Variants in DPP6 observed in about 807,000 individuals in gnomAD.
DPP6 encodes the protein dipeptidyl peptidase like 6.
A neutral mutation model predicts 122.6 loss-of-function variants in DPP6; 69 were observed. The observed-to-expected ratio is 0.56, with a 90% CI of 0.46 to 0.69. DPP6 has a LOEUF of 0.69. Ranked by LOEUF, DPP6 falls within the 30% of genes least tolerant of loss-of-function variation. The probability of loss-of-function intolerance (pLI) is 0.00; values close to 1 mark genes in which losing one functional copy is unlikely to be tolerated. For synonymous variants in DPP6, 418 were observed against 433.1 expected (o/e 0.97, Z 0.43); for missense variants, 928 against 1,116.9 (o/e 0.83, Z 2.41).
chr7:154,395,005 T>C (rs1224276274), intron 1 of DPP6, among the ~76,000 whole-genome samples: 1 of 152,212 alleles, frequency 6.6e-6, no homozygotes, highest in Non-Finnish European at 1.5e-5. Flanking sequence ...TGGGCTGCTA[T>C]GACGTAATAC....
chr7:153,833,115 T>C, the DPP6 span, among the ~76,000 whole-genome samples: 1 of 152,190 alleles, frequency 6.6e-6, no homozygotes, highest in East Asian at 1.9e-4. Context: ...CCTGGCAGTT[T>C]TCATGGCAAT....
At chr7:154,376,963 G>A (rs1186136062) in intron 1 of DPP6, among the ~76,000 whole-genome samples, 1 of 152,030 alleles carries the variant, frequency 6.6e-6, no homozygotes, top group Non-Finnish European at 1.5e-5. Context: ...ACCTCTGGAG[G>A]GATTCTTAAG....
intron 3 of DPP6, among the ~76,000 whole-genome samples, chr7:154,526,820 A>C (rs991745793): frequency 6.6e-6 from 1 of 152,212 alleles, no homozygotes; most frequent in African/African-American, 2.4e-5. Flanking sequence ...TCTGGACTGA[A>C]GACCTTCATT....
chr7:154,032,569 G>A (rs1367034821), intron 1 of DPP6, among the ~76,000 whole-genome samples: 1 of 152,050 alleles, frequency 6.6e-6, no homozygotes, highest in Admixed American at 6.5e-5. Flanking sequence ...TAAATACATT[G>A]TGAATCATTA....
At chr7:154,556,767 A>G (rs1200798470) in intron 4 of DPP6, among the ~76,000 whole-genome samples, 1 of 152,232 alleles carries the variant, frequency 6.6e-6, no homozygotes, top group Non-Finnish European at 1.5e-5. Flanking sequence ...GAGTATATCT[A>G]CAACTGATAA....
chr7:154,053,648 A>G (rs569242917), intron 1 of DPP6, among the ~76,000 whole-genome samples: 33 of 151,764 alleles, frequency 2.2e-4, no homozygotes, highest in African/African-American at 7.5e-4. Flanking sequence ...AAAAAAAAAT[A>G]CCAAAATACT....
chr7:154,476,877 A>G (rs1822786548), intron 3 of DPP6, among the ~76,000 whole-genome samples: 1 of 152,144 alleles, frequency 6.6e-6, no homozygotes, highest in Non-Finnish European at 1.5e-5. Flanking sequence ...AGATCGCTTG[A>G]ATCCAGGAAT....
intron 6 of DPP6, among the ~76,000 whole-genome samples, chr7:154,640,694 G>A (rs965531341): frequency 2.6e-5 from 4 of 152,132 alleles, no homozygotes; most frequent in Non-Finnish European, 5.9e-5. Context: ...AAAGAACACA[G>A]CCCGGAGCTC....
chr7:154,285,331 C>G (rs2150956760), intron 1 of DPP6, among the ~76,000 whole-genome samples: 1 of 152,252 alleles, frequency 6.6e-6, no homozygotes, highest in East Asian at 1.9e-4. Flanking sequence ...GTGGCGCAGT[C>G]TTGGCTCATT....
At chr7:154,479,175 T>G (rs188958600) in intron 3 of DPP6, among the ~76,000 whole-genome samples, 1 of 152,298 alleles carries the variant, frequency 6.6e-6, no homozygotes, top group African/African-American at 2.4e-5. Context: ...AGCCTCACAT[T>G]CTCTAACATC....
At chr7:154,376,825 A>G (rs150958729) in intron 1 of DPP6, among the ~76,000 whole-genome samples, 2 of 152,306 alleles carry the variant, frequency 1.3e-5, no homozygotes, top group African/African-American at 2.4e-5. Context: ...AGTATGAGGT[A>G]ATTTGGCTCC....
intron 10 of DPP6, among the ~76,000 whole-genome samples, chr7:154,789,003 T>A (rs1219788004): frequency 6.6e-6 from 1 of 152,212 alleles, no homozygotes; most frequent in Non-Finnish European, 1.5e-5. Flanking sequence ...TCTGTTCTCT[T>A]TATTTTTAGT....
At chr7:154,628,977 G>A (rs1835251884) in intron 5 of DPP6, among the ~76,000 whole-genome samples, 1 of 152,148 alleles carries the variant, frequency 6.6e-6, no homozygotes, top group African/African-American at 2.4e-5. Flanking sequence ...CTGTAATTCA[G>A]ACTTAACTGT....
intron 16 of DPP6, among the ~76,000 whole-genome samples, chr7:154,850,493 C>T (rs116442013): frequency 0.01 from 1,588 of 152,234 alleles, 24 homozygotes; most frequent in African/African-American, 0.036. Context: ...GAAGTACTCC[C>T]TCACGTTCCA....
chr7:154,558,533 C>T (rs1351378346), intron 4 of DPP6, among the ~76,000 whole-genome samples: 2 of 152,138 alleles, frequency 1.3e-5, no homozygotes, highest in African/African-American at 4.8e-5. Flanking sequence ...CATTGGTCCC[C>T]TAAGATTATA....
chr7:154,246,756 TAAAG>T (rs1243550965), intron 1 of DPP6, among the ~76,000 whole-genome samples: 6 of 152,186 alleles, frequency 3.9e-5, no homozygotes, highest in Non-Finnish European at 5.9e-5. Flanking sequence ...TGATTTTTGA[TAAAG>T]TAGGAAGGCC....
intron 1 of DPP6, among the ~76,000 whole-genome samples, chr7:154,105,945 C>T (rs1216019224): frequency 1.3e-5 from 2 of 149,368 alleles, no homozygotes; most frequent in African/African-American, 2.6e-5. Context: ...GGCCCCGACT[C>T]GCTTTCCCAT....
At chr7:153,817,194 G>T in the DPP6 span, among the ~76,000 whole-genome samples, 1 of 148,542 alleles carries the variant, frequency 6.7e-6, no homozygotes, top group African/African-American at 2.5e-5. Context: ...AAATTTAGGG[G>T]TGTATATAGC....
At chr7:154,421,917 C>A (rs1817504050) in intron 1 of DPP6, among the ~76,000 whole-genome samples, 1 of 152,124 alleles carries the variant, frequency 6.6e-6, no homozygotes, top group Non-Finnish European at 1.5e-5. Flanking sequence ...AAGCATCAGT[C>A]AGAGCTACAG....
Sources: allele counts gnomAD v4.1 joint callset (sites outside exome capture counted in the v4.1 genomes callset), GRCh38; gene constraint gnomAD v4.1.1; transcripts MANE v1.5; gene names NCBI Gene and HGNC (gene_info 2026-07-23, HGNC 2026-07-21).